The following CRB1 variants were observed in gnomAD, a reference collection of about 807,000 sequenced individuals.
CRB1 encodes the protein crumbs cell polarity complex component 1, also known as protein crumbs homolog 1.
Under a neutral mutation model 120.0 loss-of-function variants are expected in CRB1, and 83 were observed. That is an observed-to-expected ratio of 0.69 (90% CI 0.58 to 0.83). The LOEUF (loss-of-function observed/expected upper bound fraction) is 0.83, where lower values mean the gene tolerates loss of function less well. Among genes scored for constraint, CRB1 ranks in the 40% least tolerant of loss-of-function variants. The pLI, the probability that CRB1 is intolerant of heterozygous loss-of-function variation, is 0.00. For synonymous variants in CRB1, 625 were observed against 612.5 expected (o/e 1.02, Z -0.30); for missense variants, 1,699 against 1,687.6 (o/e 1.01, Z -0.12).
In CRB1 at chr1:197,371,904, G is replaced by T. The variant is rs186498289; in HGVS notation, c.1171+14891G>T. 2.0e-5 allele frequency among the ~76,000 whole-genome samples: 3 copies of T among 152,262 alleles called. No homozygotes were observed. The East Asian group carries it at 5.8e-4, about 29-fold the overall frequency. On this transcript the variant is annotated intron_variant, in intron 5 of 11. Transcript: ENST00000367400. ...CAACCCCAAGAAATGGGCAGGTAAA[G>T]ATCAGTCAGGGCCTTGCATTCTTAG...
intron 2 of CRB1, among the ~76,000 whole-genome samples, chr1:197,332,309 C>G (rs1389241338): frequency 2.0e-5 from 3 of 152,124 alleles, no homozygotes; most frequent in Admixed American, 6.5e-5. Context: ...AATGAGTCCC[C>G]TTTTCTCACT....
At chr1:197,326,715 A>C (rs1658512830) in intron 1 of CRB1, among the ~76,000 whole-genome samples, 2 of 152,040 alleles carry the variant, frequency 1.3e-5, no homozygotes. Flanking sequence ...GGAGCTGGGG[A>C]ACAGAACCTT....
intron 10 of CRB1, chr1:197,441,650 T>C (rs990520730): frequency 7.3e-6 from 1 of 136,746 alleles, no homozygotes; most frequent in African/African-American, 2.6e-5. Flanking sequence ...TCCTCCTCCT[T>C]CCCTCCTTCT....
At chr1:197,433,225 G>C (rs1571552627) in intron 8 of CRB1, among the ~76,000 whole-genome samples, 1 of 152,008 alleles carries the variant, frequency 6.6e-6, no homozygotes, top group Non-Finnish European at 1.5e-5. Flanking sequence ...TAGAATTTAG[G>C]ATTTCTTTTA....
At chr1:197,382,733 A>G (rs966581427) in intron 5 of CRB1, among the ~76,000 whole-genome samples, 4 of 152,230 alleles carry the variant, frequency 2.6e-5, no homozygotes, top group African/African-American at 7.2e-5. Context: ...TTCTGGTCAC[A>G]TATTCAGCAA....
At chr1:197,322,543 T>A (rs1658263885) in intron 1 of CRB1, among the ~76,000 whole-genome samples, 1 of 151,946 alleles carries the variant, frequency 6.6e-6, no homozygotes, top group African/African-American at 2.4e-5. Flanking sequence ...TTTGGTTAAA[T>A]ATTTAAAATT....
chr1:197,354,311 A>AGTTT, intron 4 of CRB1, among the ~76,000 whole-genome samples: 1 of 152,198 alleles, frequency 6.6e-6, no homozygotes, highest in Admixed American at 6.5e-5. Flanking sequence ...GTTAAACTCA[A>AGTTT]AACGCTTACA....
At chr1:197,335,449 C>G (rs1329838200) in intron 2 of CRB1, among the ~76,000 whole-genome samples, 1 of 152,088 alleles carries the variant, frequency 6.6e-6, no homozygotes, top group East Asian at 1.9e-4. Flanking sequence ...AAATCCACTC[C>G]TTGTGGGAGA....
At chr1:197,339,723 A>G (rs1571865587) in intron 2 of CRB1, among the ~76,000 whole-genome samples, 1 of 152,216 alleles carries the variant, frequency 6.6e-6, no homozygotes, top group African/African-American at 2.4e-5. Context: ...CGGAATCTTA[A>G]CATGGATCTC....
intron 11 of CRB1, among the ~76,000 whole-genome samples, chr1:197,446,189 C>CAA (rs60054949): frequency 0.53 from 75,210 of 142,820 alleles, 19,483 homozygotes; most frequent in South Asian, 0.61. Flanking sequence ...GACTTTGTCT[C>CAA]AAAAAAAAAA....
At chr1:197,444,978 C>T (rs996567096) in intron 11 of CRB1, among the ~76,000 whole-genome samples, 4 of 152,172 alleles carry the variant, frequency 2.6e-5, no homozygotes, top group Middle Eastern at 3.4e-3. Flanking sequence ...TGATCTCTTT[C>T]TGTGAAAGTG....
intron 1 of CRB1, among the ~76,000 whole-genome samples, chr1:197,298,478 T>A (rs1382572333): frequency 6.6e-6 from 1 of 152,126 alleles, no homozygotes; most frequent in African/African-American, 2.4e-5. Context: ...TAAGTAGTAG[T>A]TTTCTCCACA....
At chr1:197,386,870 G>T (rs761287152) in intron 5 of CRB1, among the ~76,000 whole-genome samples, 38 of 152,070 alleles carry the variant, frequency 2.5e-4, no homozygotes, top group Middle Eastern at 3.2e-3. Context: ...ACTGTCAATT[G>T]TTAATAATTT....
intron 11 of CRB1, among the ~76,000 whole-genome samples, chr1:197,460,587 A>C (rs1357538711): frequency 6.6e-6 from 1 of 152,132 alleles, no homozygotes; most frequent in Admixed American, 6.6e-5. Flanking sequence ...AGTTCTAACC[A>C]TCATAGTACT....
chr1:197,309,532 A>G (rs1657385775), intron 1 of CRB1, among the ~76,000 whole-genome samples: 1 of 152,082 alleles, frequency 6.6e-6, no homozygotes, highest in Non-Finnish European at 1.5e-5. Context: ...AGGCGGGCGG[A>G]TCAGGAGGTC....
At position 197,475,540 on chromosome 1, in the gene CRB1, C is replaced by T. The variant is rs58288345; in HGVS notation, c.4006-2124C>T. On this transcript the variant is annotated intron_variant, in intron 11 of 11. Transcript: ENST00000367400. ...CTAATAAGATAAACTAACTTCTCTG[C>T]CTCCAATTTCTTCCCCACCTACACT... 1.0e-3 allele frequency among the ~76,000 whole-genome samples: 152 copies of T among 152,254 alleles called. No individual in the cohort carries two copies. The East Asian group carries it at 0.027, about 27-fold the overall frequency.
chr1:197,384,810 T>C (rs1189814057), intron 5 of CRB1, among the ~76,000 whole-genome samples: 2 of 152,278 alleles, frequency 1.3e-5, no homozygotes, highest in Admixed American at 1.3e-4. Flanking sequence ...ATATTGCTCA[T>C]TTGCCCTGTG....
the CRB1 span, among the ~76,000 whole-genome samples, chr1:197,227,015 TAGG>T: frequency 1.3e-5 from 2 of 152,294 alleles, no homozygotes; most frequent in Non-Finnish European, 2.9e-5. Context: ...GTGGGAATTA[TAGG>T]AGTACAATTC....
intron 5 of CRB1, among the ~76,000 whole-genome samples, chr1:197,417,935 AT>A (rs756589716): frequency 2.6e-4 from 39 of 152,050 alleles, no homozygotes; most frequent in Non-Finnish European, 3.8e-4. Context: ...TTGCATTGAA[AT>A]TTTTGATCAT....
Sources: gnomAD v4.1 joint callset for allele counts (sites outside exome capture counted in the v4.1 genomes callset) on GRCh38, gnomAD v4.1.1 for gene constraint, MANE v1.5 for transcripts, NCBI Gene and HGNC (gene_info 2026-07-23, HGNC 2026-07-21) for gene names.